Variants in CYP4V2 observed in about 807,000 individuals in gnomAD.
CYP4V2 encodes the protein cytochrome P450 family 4 subfamily V member 2, also known as cytochrome P450 4V2.
Under a neutral mutation model 60.8 loss-of-function variants are expected in CYP4V2, and 55 were observed. The observed-to-expected ratio is 0.90, with a 90% CI of 0.73 to 1.13. The LOEUF is 1.13. CYP4V2 is among the 50% of genes most tolerant of loss of function. The probability of loss-of-function intolerance (pLI) is 0.00; values close to 1 mark genes in which losing one functional copy is unlikely to be tolerated. For missense variants in CYP4V2, 675 were observed against 662.9 expected, an observed-to-expected ratio of 1.02 and a Z score of -0.20; for synonymous variants, 239 against 236.8, an observed-to-expected ratio of 1.01 and a Z score of -0.08.
chr4:186,209,188 C>T lies in CYP4V2; in HGVS notation c.1321C>T (p.Pro441Ser). Residue 441 changes from proline to serine, a missense_variant, in exon 10 of 11, where the codon CCT becomes TCT. Physicochemically the swap from Pro to Ser is moderately conservative, Grantham distance 74. Transcript: ENST00000378802. ...RYFPNPEEFQPERFFPENAQG... is the reference protein window; with the variant it reads ...RYFPNPEEFQSERFFPENAQG... ...CTTCCCCAACCCCGAGGAGTTCCAG[C>T]CTGAGCGGTTCTTCCCCGAGAATGC... is the stretch of plus-strand genomic sequence containing the variant. 6.2e-7 allele frequency: 1 copy of T among 1,614,114 alleles called. No homozygotes were observed. The highest frequency in any genetic ancestry group is 8.5e-7 in the Non-Finnish European group (1 of 1,180,028).
At chr4:186,205,872 A>T (rs1335748390) in intron 8 of CYP4V2, among the ~76,000 whole-genome samples, 1 of 152,110 alleles carries the variant, frequency 6.6e-6, no homozygotes, top group East Asian at 1.9e-4. Context: ...CATCACGTTC[A>T]TCTTCAAGGC....
chr4:186,195,342 C>G lies in CYP4V2; in HGVS notation c.328-661C>G, dbSNP rs1736120047. Among the ~76,000 whole-genome samples the G allele has an allele frequency of 6.6e-6, 1 of 152,208 alleles. No homozygotes were observed. The highest frequency in any genetic ancestry group is 1.5e-5 in the Non-Finnish European group (1 of 68,018). On this transcript the variant is annotated intron_variant, in intron 2 of 10. Coordinates refer to ENST00000378802, the MANE Select transcript of CYP4V2 (RefSeq NM_207352.4). This position sits in a 1 kb window ranked among gnomAD's most constrained non-coding sequence, Gnocchi z 4.1. ...AGAGCAAGAAGGGCAGACAGGATTT[C>G]TGCCGCTGTTGGCCTAGTGTTAATA...
chr4:186,191,949 G>A lies in CYP4V2; in HGVS notation c.126G>A (p.Arg42=). Residue 42 remains arginine, a synonymous_variant, in exon 1 of 11, where the codon CGG becomes CGA. Transcript: ENST00000378802. ...TGCAGAGGGTGGCGAGCTACGCGCG[G>A]AAATGGCAGCAGATGCGGCCCATCC... is the stretch of plus-strand genomic sequence containing the variant. ...SLLQRVASYA[R]KWQQMRPIPT... is the part of the protein sequence containing the mutation. The A allele has an allele frequency of 1.3e-6, 2 of 1,590,120 alleles. No homozygotes were observed. The highest frequency in any genetic ancestry group is 1.1e-5 in the South Asian group (1 of 88,018).
rs199476190 is a variant in CYP4V2 at position 186,197,044 on chromosome 4, T to G, written c.518T>G (p.Leu173Trp). Residue 173 changes from leucine to tryptophan, a missense_variant, in exon 4 of 11, where the codon TTG becomes TGG. Transcript: ENST00000378802. ...LDIMNEQANI[L>W]VKKLEKHINQ... Reference sequence around the variant, plus strand: ...ATCATGAATGAACAAGCAAATATATTGGTTAAGAAACTTGAAAAACACATT... The same window carrying G: ...ATCATGAATGAACAAGCAAATATATGGGTTAAGAAACTTGAAAAACACATT... 11 of 1,613,640 alleles carry G rather than the reference T, an allele frequency of 6.8e-6. 1 individual carries two copies. The East Asian group carries it at 2.5e-4, about 36-fold the overall frequency.
intron 7 of CYP4V2, chr4:186,204,936 G>A (rs1561436080): frequency 9.9e-6 from 5 of 505,750 alleles, no homozygotes; most frequent in African/African-American, 1.9e-5. Flanking sequence ...ATGGAACGCC[G>A]CCTTTATTAA....
In CYP4V2 at chr4:186,192,027, G is replaced by A. The variant is rs1462992607; in HGVS notation, c.204G>A (p.Pro68=). The change falls in exon 1 of 11, where the codon CCG becomes CCA. Residue 68 remains proline (P), a synonymous_variant. Coordinates refer to ENST00000378802, the MANE Select transcript of CYP4V2 (RefSeq NM_207352.4). Reference sequence around the variant, plus strand: ...TGGGCCACGCGCTGCTGATGAAGCCGGACGGGCGAGGTAAGGGCCGGCGCT... The same window carrying A: ...TGGGCCACGCGCTGCTGATGAAGCCAGACGGGCGAGGTAAGGGCCGGCGCT... ...PLVGHALLMK[P]DGREFFQQII... 2 of 1,576,446 alleles carry A rather than the reference G, an allele frequency of 1.3e-6. No individual in the cohort carries two copies. Among genetic ancestry groups the A allele is most frequent in the Non-Finnish European group, 1.7e-6 (2 of 1,166,512 alleles).
intron 1 of CYP4V2, chr4:186,192,303 C>T: frequency 1.5e-6 from 1 of 680,200 alleles, no homozygotes; most frequent in South Asian, 1.5e-5. Flanking sequence ...CCCACCTCAC[C>T]GCTGCTCAGC....
Position 186,197,591 on chromosome 4 carries a change from T to C in CYP4V2, c.663T>C (p.Arg221=). Reference sequence around the variant, plus strand: ...GTAATGATGATTCCGAGTATGTCCGTGCAGTTTATAGGTAAATGGAGTCCT... The same window carrying C: ...GTAATGATGATTCCGAGTATGTCCGCGCAGTTTATAGGTAAATGGAGTCCT... ...AQSNDDSEYV[R]AVYRMSEMIF... is the part of the protein sequence containing the mutation. Residue 221 remains arginine, a synonymous_variant, in exon 5 of 11, where the codon CGT becomes CGC. Coordinates refer to ENST00000378802, the MANE Select transcript of CYP4V2 (RefSeq NM_207352.4). The C allele has an allele frequency of 6.2e-7, 1 of 1,614,224 alleles. No homozygotes were observed. Among genetic ancestry groups the C allele is most frequent in the Non-Finnish European group, 8.5e-7 (1 of 1,180,014 alleles).
rs1365002833 is a variant in CYP4V2 at position 186,209,236 on chromosome 4, T to C, written c.1369T>C (p.Tyr457His). 1.2e-6 allele frequency: 2 copies of C among 1,613,978 alleles called. No homozygotes were observed. The highest frequency in any genetic ancestry group is 8.5e-7 in the Non-Finnish European group (1 of 1,180,016). Residue 457 changes from tyrosine to histidine, a missense_variant, in exon 10 of 11, where the codon TAC becomes CAC. Physicochemically the swap from Tyr to His is moderately conservative, Grantham distance 83. Transcript: ENST00000378802. ...ENAQGRHPYA[Y>H]VPFSAGPRNC... Reference sequence around the variant, plus strand: ...TGCACAAGGGCGCCATCCATATGCCTACGTGCCCTTCTCTGCTGGCCCCAG... The same window carrying C: ...TGCACAAGGGCGCCATCCATATGCCCACGTGCCCTTCTCTGCTGGCCCCAG...
Position 186,192,154 on chromosome 4 carries a change from C to A in CYP4V2, c.214+117C>A, listed in dbSNP as rs80250369. ...GCCGCAGGAGAGAGGAGCCTGTCAC[C>A]CTGTGGAGAATGCACTCCCAGTTCT... is the stretch of plus-strand genomic sequence containing the variant. On this transcript the variant is annotated intron_variant, in intron 1 of 10. Coordinates refer to ENST00000378802, the MANE Select transcript of CYP4V2 (RefSeq NM_207352.4). 6.9e-3 allele frequency: 9,267 copies of A among 1,338,184 alleles called. 534 individuals are homozygous for A. In the African/African-American group the frequency reaches 0.12, roughly 17 times the overall value. The allele number at this position is 1,338,184 out of a possible 1,614,324, so 82.9% of individuals were successfully genotyped here.
In CYP4V2 at chr4:186,195,929, G is replaced by A; in HGVS notation, c.328-74G>A. On this transcript the variant is annotated intron_variant, in intron 2 of 10. Coordinates refer to ENST00000378802, the MANE Select transcript of CYP4V2 (RefSeq NM_207352.4). The surrounding 1 kb of genome is among the most constrained non-coding windows in gnomAD (Gnocchi z 4.1). ...TGCCCTAAAAACTAGCTGTATTCTAGCCAGTATTCCTATAATTACAGGAAG... is the reference window on the plus strand; with the variant it reads ...TGCCCTAAAAACTAGCTGTATTCTAACCAGTATTCCTATAATTACAGGAAG... 1 of 1,062,020 alleles carries A rather than the reference G, an allele frequency of 9.4e-7. No homozygotes were observed. The highest frequency in any genetic ancestry group is 1.5e-6 in the Non-Finnish European group (1 of 688,782). 65.8% of individuals were successfully genotyped at this position (1,062,020 alleles called of 1,614,324 possible).
intron 6 of CYP4V2, among the ~76,000 whole-genome samples, chr4:186,200,583 G>A (rs189530921): frequency 1.3e-5 from 2 of 152,282 alleles, no homozygotes; most frequent in African/African-American, 4.8e-5. Context: ...GTTAGGAGGC[G>A]TCGCAGTGCT....
chr4:186,204,254 C>T (rs1736413797), intron 7 of CYP4V2: 1 of 158,446 alleles, frequency 6.3e-6, no homozygotes, highest in African/African-American at 2.5e-5. Flanking sequence ...GCGGTGGAGA[C>T]GCTACGCTGG....
Position 186,194,438 on chromosome 4 carries a change from G to A in CYP4V2, c.215-62G>A, listed in dbSNP as rs1279993910. 5.7e-6 allele frequency: 8 copies of A among 1,398,940 alleles called. No homozygotes were observed. The South Asian group carries it at 5.8e-5, about 10-fold the overall frequency. 86.7% of individuals were successfully genotyped at this position (1,398,940 alleles called of 1,614,324 possible). On this transcript the variant is annotated intron_variant, in intron 1 of 10. Transcript: ENST00000378802. ...CATCAAAATGAGAAAACAAACCTTT[G>A]TCCAATACTGGTCACAACTTTCTCA...
intron 1 of CYP4V2, 74 bp downstream of exon 1, chr4:186,192,111 C>T: frequency 6.6e-7 from 1 of 1,510,464 alleles, no homozygotes; most frequent in Non-Finnish European, 8.9e-7. Flanking sequence ...AGCCAGGAAC[C>T]CGCTGCTTGT....
intron 1 of CYP4V2, chr4:186,192,250 A>C (rs948222162): frequency 2.8e-6 from 2 of 720,874 alleles, no homozygotes; most frequent in African/African-American, 3.5e-5. Context: ...CTTTGTGTGT[A>C]GCACAGGATG....
chr4:186,198,809 C>A, intron 5 of CYP4V2, 148 bp from the exon 6 acceptor site: 2 of 1,203,122 alleles, frequency 1.7e-6, no homozygotes, highest in Non-Finnish European at 1.2e-6. Flanking sequence ...GCCTTCACTG[C>A]TAAGCATAAA....
In CYP4V2 at chr4:186,211,320, G is replaced by A. The variant is rs142737300; in HGVS notation, c.*679G>A. ...ATTTAATCAAAGTTCTAGAGTTTTT[G>A]TTTGTTTGTTTGAGATGGAGTCTTG... On this transcript the variant is annotated 3_prime_UTR_variant, in exon 11 of 11. Transcript: ENST00000378802. 2.6e-5 allele frequency: 4 copies of A among 151,652 alleles called. No individual in the cohort carries two copies. Among genetic ancestry groups the A allele is most frequent in the African/African-American group, 4.9e-5 (2 of 41,194 alleles). The allele number at this position is 151,652 out of a possible 1,614,324, so 9.4% of individuals were successfully genotyped here.
At chr4:186,205,371 A>C in intron 8 of CYP4V2, 69 bp downstream of exon 8, 2 of 1,451,006 alleles carry the variant, frequency 1.4e-6, no homozygotes, top group Non-Finnish European at 9.7e-7. Context: ...CTGTGTTGTA[A>C]ACACAGTGTA....
Sources: gnomAD v4.1 joint callset for allele counts (sites outside exome capture counted in the v4.1 genomes callset) on GRCh38, gnomAD v4.1.1 for gene constraint, Gnocchi (gnomAD v3.1) non-coding constraint, MANE v1.5 for transcripts, NCBI Gene and HGNC (gene_info 2026-07-23, HGNC 2026-07-21) for gene names.